The following DENND4C variants were observed in gnomAD, a reference collection of about 807,000 sequenced individuals.
DENND4C encodes the protein DENN domain containing 4C, also known as DENN domain-containing protein 4C.
DENND4C carries 108 observed loss-of-function variants against 203.0 expected under a neutral mutation model. That is an observed-to-expected ratio of 0.53 (90% CI 0.46 to 0.62). DENND4C has a LOEUF of 0.62. Among genes scored for constraint, DENND4C ranks in the 20% least tolerant of loss-of-function variants. The probability of loss-of-function intolerance (pLI) is 0.00; values close to 1 mark genes in which losing one functional copy is unlikely to be tolerated. For synonymous variants in DENND4C, 871 were observed against 792.4 expected, an observed-to-expected ratio of 1.10 and a Z score of -1.67; for missense variants, 2,481 against 2,301.2, an observed-to-expected ratio of 1.08 and a Z score of -1.60.
Position 19,358,197 on chromosome 9 carries a change from A to G in DENND4C, c.5160+37A>G. ...CAACAACATTGTAATTATACTGCATACACACCTAAGTATATAGTAGAACAT... is the reference window on the plus strand; with the variant it reads ...CAACAACATTGTAATTATACTGCATGCACACCTAAGTATATAGTAGAACAT... On this transcript the variant is annotated intron_variant, in intron 28 of 32. Coordinates refer to ENST00000434457, the MANE Select transcript of DENND4C (RefSeq NM_001330640.2). The surrounding 1 kb of genome is among the most constrained non-coding windows in gnomAD (Gnocchi z 4.8). 6.5e-7 allele frequency: 1 copy of G among 1,533,218 alleles called. No homozygotes were observed. Among genetic ancestry groups the G allele is most frequent in the Non-Finnish European group, 9.0e-7 (1 of 1,111,202 alleles). The allele number at this position is 1,533,218 out of a possible 1,614,324, so 95.0% of individuals were successfully genotyped here. A position where few individuals can be genotyped will look rare whatever the true frequency, so the allele number is the denominator to read the frequency against.
chr9:19,293,430 ATTGT>A (rs1400737989), intron 5 of DENND4C, among the ~76,000 whole-genome samples: 1 of 150,878 alleles, frequency 6.6e-6, no homozygotes, highest in Non-Finnish European at 1.5e-5. Flanking sequence ...GTAAGGATTG[ATTGT>A]TGGGAGAAGG....
At chr9:19,267,142 G>A (rs1165189439) in intron 1 of DENND4C, among the ~76,000 whole-genome samples, 1 of 152,138 alleles carries the variant, frequency 6.6e-6, no homozygotes, top group Non-Finnish European at 1.5e-5. Flanking sequence ...AGTCTATAGT[G>A]CAGATTCAGT....
intron 30 of DENND4C, among the ~76,000 whole-genome samples, chr9:19,367,900 G>A (rs1344565041): frequency 6.6e-6 from 1 of 152,196 alleles, no homozygotes; most frequent in African/African-American, 2.4e-5. Flanking sequence ...AAGGAGCATA[G>A]ATTGTATTAT....
intron 1 of DENND4C, among the ~76,000 whole-genome samples, chr9:19,243,144 A>G (rs1292158692): frequency 2.0e-5 from 3 of 152,120 alleles, no homozygotes; most frequent in Admixed American, 6.6e-5. Flanking sequence ...TCACTCTCCA[A>G]TCCCTCTCTC....
chr9:19,247,080 C>T (rs1042544265), intron 1 of DENND4C, among the ~76,000 whole-genome samples: 2 of 152,176 alleles, frequency 1.3e-5, no homozygotes, highest in African/African-American at 4.8e-5. Flanking sequence ...CAGCATTTGA[C>T]ACAAGTGATT....
At chr9:19,351,819 A>AT (rs556460191) in intron 24 of DENND4C, among the ~76,000 whole-genome samples, 1 of 147,292 alleles carries the variant, frequency 6.8e-6, no homozygotes, top group Non-Finnish European at 1.5e-5. Flanking sequence ...AAAAAAAAAA[A>AT]GAAAAGAAAA....
intron 20 of DENND4C, among the ~76,000 whole-genome samples, chr9:19,338,135 G>T (rs1243667897): frequency 6.6e-6 from 1 of 152,000 alleles, no homozygotes; most frequent in Admixed American, 6.6e-5. Flanking sequence ...TCCTCAGTTT[G>T]CCATCATGTT....
chr9:19,251,699 C>T (rs1826642416), intron 1 of DENND4C, among the ~76,000 whole-genome samples: 1 of 152,198 alleles, frequency 6.6e-6, no homozygotes, highest in Non-Finnish European at 1.5e-5. Context: ...TAAATCATCT[C>T]TCTCAAGTTC....
At chr9:19,318,827 T>A (rs1842266357) in intron 12 of DENND4C, among the ~76,000 whole-genome samples, 1 of 152,212 alleles carries the variant, frequency 6.6e-6, no homozygotes, top group Non-Finnish European at 1.5e-5. Context: ...TTAAAGACCC[T>A]GTCTCCAAAT....
chr9:19,346,201 A>G lies in DENND4C; in HGVS notation c.3432A>G (p.Ala1144=), dbSNP rs773662222. The change falls in exon 23 of 33, where the codon GCA becomes GCG. Residue 1144 remains alanine, a synonymous_variant. Transcript: ENST00000434457. ...CTAAGACTTCTCTACTTCATATTGCAAGAACCCATAGCTTTGAGAATGTTA... is the reference window on the plus strand; with the variant it reads ...CTAAGACTTCTCTACTTCATATTGCGAGAACCCATAGCTTTGAGAATGTTA... The part of the protein sequence containing the change: ...TCPKTSLLHI[A]RTHSFENVSC... 10 of 1,614,072 alleles carry G rather than the reference A, an allele frequency of 6.2e-6. No homozygotes were observed. The East Asian group carries it at 1.8e-4, about 29-fold the overall frequency.
At chr9:19,370,638 G>A (rs1454174635) in intron 31 of DENND4C, among the ~76,000 whole-genome samples, 1 of 152,028 alleles carries the variant, frequency 6.6e-6, no homozygotes, top group African/African-American at 2.4e-5. Context: ...TTCTTTTGTT[G>A]GACATAAGAG....
chr9:19,367,474 G>A (rs1474064292), intron 30 of DENND4C, among the ~76,000 whole-genome samples: 3 of 152,258 alleles, frequency 2.0e-5, no homozygotes, highest in Non-Finnish European at 4.4e-5. Flanking sequence ...AGTGGCGCAC[G>A]CCTGTAATCC....
In DENND4C at chr9:19,326,780, G is replaced by C. The variant is rs779217782; in HGVS notation, c.2120+586G>C. Among the ~76,000 whole-genome samples the C allele has an allele frequency of 5.3e-5, 8 of 152,216 alleles. No homozygotes were observed. In the South Asian group the frequency reaches 1.0e-3, roughly 20 times the overall value. On this transcript the variant is annotated intron_variant, in intron 15 of 32. Transcript: ENST00000434457. ...GGATGTGTGTGTGTATGTATTGCAT[G>C]TATGAGTTCATCAGGTAGATTCTCT...
At chr9:19,288,733 G>C in intron 4 of DENND4C, 68 bp downstream of exon 4, 1 of 835,892 alleles carries the variant, frequency 1.2e-6, no homozygotes, top group Non-Finnish European at 1.6e-6. Flanking sequence ...TTGGCTAAAA[G>C]AGATAAAGTA....
At chr9:19,318,793 C>T (rs974457672) in intron 12 of DENND4C, among the ~76,000 whole-genome samples, 2 of 152,150 alleles carry the variant, frequency 1.3e-5, no homozygotes, top group African/African-American at 4.8e-5. Flanking sequence ...ACCCAATAAT[C>T]CTCATTTTAG....
At chr9:19,334,192 C>T (rs549162437) in intron 17 of DENND4C, among the ~76,000 whole-genome samples, 9 of 152,236 alleles carry the variant, frequency 5.9e-5, no homozygotes, top group Non-Finnish European at 5.9e-5. Context: ...ACTACAAGTG[C>T]GTGCCACCAC....
chr9:19,313,265 C>T (rs1841102054), intron 10 of DENND4C, among the ~76,000 whole-genome samples: 1 of 151,870 alleles, frequency 6.6e-6, no homozygotes, highest in Non-Finnish European at 1.5e-5. Context: ...TTGGCAATAT[C>T]CTCTTACTCT....
At chr9:19,319,882 T>TC (rs1307936919) in intron 12 of DENND4C, among the ~76,000 whole-genome samples, 1 of 152,184 alleles carries the variant, frequency 6.6e-6, no homozygotes, top group African/African-American at 2.4e-5. Context: ...TCCTAAGGTA[T>TC]CCTTTAGTGT....
chr9:19,267,442 C>A (rs12551960), intron 1 of DENND4C, among the ~76,000 whole-genome samples: 3 of 152,020 alleles, frequency 2.0e-5, no homozygotes, highest in African/African-American at 7.3e-5. Flanking sequence ...TTTCAGTTTC[C>A]ATTTGCCTGG....
Sources: gnomAD v4.1 joint callset for allele counts (sites outside exome capture counted in the v4.1 genomes callset) on GRCh38, gnomAD v4.1.1 for gene constraint, Gnocchi (gnomAD v3.1) non-coding constraint, MANE v1.5 for transcripts, NCBI Gene and HGNC (gene_info 2026-07-23, HGNC 2026-07-21) for gene names.